Variants in ITGBL1 observed in about 807,000 individuals in gnomAD.
The protein encoded by ITGBL1 is integrin beta-like protein 1.
A neutral mutation model predicts 68.5 loss-of-function variants in ITGBL1; 51 were observed. The observed-to-expected ratio is 0.74, with a 90% CI of 0.59 to 0.94. The LOEUF (loss-of-function observed/expected upper bound fraction) is 0.94. Among genes scored for constraint, ITGBL1 ranks in the 40% least tolerant of loss-of-function variants. ITGBL1 has a pLI of 0.00. For missense variants in ITGBL1, 649 were observed against 647.4 expected (o/e 1.00, Z -0.03); for synonymous variants, 209 against 227.3 (o/e 0.92, Z 0.72).
chr13:101,640,718 C>T (rs1009575017), intron 7 of ITGBL1, among the ~76,000 whole-genome samples: 2 of 152,024 alleles, frequency 1.3e-5, no homozygotes, highest in African/African-American at 4.8e-5. Context: ...GGAATTATCC[C>T]ATCACCCAGG....
At chr13:101,530,155 C>T (rs949694161) in intron 2 of ITGBL1, among the ~76,000 whole-genome samples, 17 of 151,952 alleles carry the variant, frequency 1.1e-4, no homozygotes, top group Non-Finnish European at 7.4e-5. Context: ...CTTTTGTTGA[C>T]AAGTCTTACT....
chr13:101,572,440 G>C lies in ITGBL1; in HGVS notation c.464-2984G>C, dbSNP rs567640617. Among the ~76,000 whole-genome samples, 264 of 152,188 alleles carry C rather than the reference G, an allele frequency of 1.7e-3. 1 individual carries two copies. The highest frequency in any genetic ancestry group is 5.3e-3 in the Admixed American group (81 of 15,266). ...CCCGGCACCACTGTACAGGAGTGTG[G>C]GCTGGTGTACATGTCTGGTCAGTCA... is the stretch of plus-strand genomic sequence containing the variant. On this transcript the variant is annotated intron_variant, in intron 3 of 10. Transcript: ENST00000376180.
At chr13:101,605,043 CATATATGT>C (rs1386524755) in intron 7 of ITGBL1, among the ~76,000 whole-genome samples, 47 of 129,626 alleles carry the variant, frequency 3.6e-4, no homozygotes, top group Admixed American at 3.2e-3. Context: ...TACATATACG[CATATATGT>C]GTATATGTGT....
chr13:101,453,844 CGTCTG>C lies in ITGBL1; in HGVS notation c.99-38_99-34del, dbSNP rs2048197935. 2.5e-5 allele frequency: 30 copies of C among 1,215,668 alleles called. No individual in the cohort carries two copies. The East Asian group carries it at 1.0e-3, about 40-fold the overall frequency. The allele number at this position is 1,215,668 out of a possible 1,614,324, so 75.3% of individuals were successfully genotyped here. A position where few individuals can be genotyped will look rare whatever the true frequency, so the allele number is the denominator to read the frequency against. Reference sequence around the variant, plus strand: ...GGTTCGGAGCAGGGGGCGGCGTCCGCGTCTGACCCGGCCTGCCGGTTGCTTGTCGC... The same window carrying C: ...GGTTCGGAGCAGGGGGCGGCGTCCGCACCCGGCCTGCCGGTTGCTTGTCGC... On this transcript the variant is annotated intron_variant, in intron 1 of 10. Transcript: ENST00000376180.
intron 2 of ITGBL1, among the ~76,000 whole-genome samples, chr13:101,462,941 G>A (rs1295936553): frequency 6.6e-6 from 1 of 152,164 alleles, no homozygotes; most frequent in African/African-American, 2.4e-5. Flanking sequence ...TGAAGAGAGG[G>A]ACTTAAGCCC....
chr13:101,622,977 A>G (rs1032971855), intron 7 of ITGBL1, among the ~76,000 whole-genome samples: 31 of 151,394 alleles, frequency 2.0e-4, no homozygotes, highest in African/African-American at 7.3e-4. Flanking sequence ...ATCAAAGACA[A>G]TTGCAGATAA....
At position 101,589,524 on chromosome 13, in the gene ITGBL1, C is replaced by G. The variant is rs182241386; in HGVS notation, c.868+6168C>G. Among the ~76,000 whole-genome samples the G allele has an allele frequency of 2.0e-5, 3 of 152,252 alleles. No homozygotes were observed. In the East Asian group the frequency reaches 5.8e-4, roughly 29 times the overall value. On this transcript the variant is annotated intron_variant, in intron 6 of 10. Transcript: ENST00000376180. ...GAACTTGTTCAATTAATATCAAATC[C>G]TGGTGGTAAAGCATAGAAGACATAT...
At chr13:101,611,685 A>C (rs1176310345) in intron 7 of ITGBL1, among the ~76,000 whole-genome samples, 1 of 150,426 alleles carries the variant, frequency 6.6e-6, no homozygotes, top group Non-Finnish European at 1.5e-5. Flanking sequence ...CATACACTGA[A>C]CTGGCAGCAG....
At position 101,631,765 on chromosome 13, in the gene ITGBL1, G is replaced by A. The variant is rs970210502; in HGVS notation, c.1015+33466G>A. On this transcript the variant is annotated intron_variant, in intron 7 of 10. Transcript: ENST00000376180. ...AATATGAAAAGATATTTACACAAAA[G>A]TATCTGAAAAATGAAAGTCAAGAGG... is the stretch of plus-strand genomic sequence containing the variant. 3.3e-5 allele frequency among the ~76,000 whole-genome samples: 5 copies of A among 152,118 alleles called. 1 individual carries two copies. The South Asian group carries it at 1.0e-3, about 31-fold the overall frequency.
At chr13:101,518,971 T>TGAAG (rs1323984505) in intron 2 of ITGBL1, among the ~76,000 whole-genome samples, 1 of 152,184 alleles carries the variant, frequency 6.6e-6, no homozygotes, top group African/African-American at 2.4e-5. Flanking sequence ...ACATACAAGT[T>TGAAG]GAAGGCAGTT....
chr13:101,557,747 G>A (rs969669921), intron 2 of ITGBL1, among the ~76,000 whole-genome samples: 2 of 152,028 alleles, frequency 1.3e-5, no homozygotes, highest in Non-Finnish European at 2.9e-5. Flanking sequence ...AGGCTTGAGA[G>A]GCTTCTGTCA....
intron 2 of ITGBL1, among the ~76,000 whole-genome samples, chr13:101,485,779 G>A (rs1369623884): frequency 6.6e-6 from 1 of 152,080 alleles, no homozygotes; most frequent in Non-Finnish European, 1.5e-5. Flanking sequence ...TCAACAGCGC[G>A]AGACTCTGTC....
At chr13:101,598,085 A>T in intron 6 of ITGBL1, 68 bp from the exon 7 acceptor site, 1 of 1,402,232 alleles carries the variant, frequency 7.1e-7, no homozygotes, top group South Asian at 1.4e-5. Context: ...TTGCTGTTAG[A>T]ATGAAAACTA....
chr13:101,605,096 A>T (rs2030677177), intron 7 of ITGBL1, among the ~76,000 whole-genome samples: 1 of 146,926 alleles, frequency 6.8e-6, no homozygotes, highest in South Asian at 2.1e-4. Context: ...ATATGTGTAT[A>T]TGTGTATATA....
chr13:101,525,125 G>T (rs2139143753), intron 2 of ITGBL1, among the ~76,000 whole-genome samples: 1 of 152,056 alleles, frequency 6.6e-6, no homozygotes, highest in East Asian at 1.9e-4. Context: ...AGAAGTTTTG[G>T]ATATTACAAA....
At chr13:101,605,398 G>T (rs1301967528) in intron 7 of ITGBL1, among the ~76,000 whole-genome samples, 1 of 68,842 alleles carries the variant, frequency 1.5e-5, no homozygotes, top group Non-Finnish European at 2.6e-5. Flanking sequence ...GGGCATGTAT[G>T]TGTGTATATG....
At chr13:101,476,572 C>G (rs2048539890) in intron 2 of ITGBL1, among the ~76,000 whole-genome samples, 1 of 151,976 alleles carries the variant, frequency 6.6e-6, no homozygotes, top group East Asian at 1.9e-4. Context: ...CTAAACAAAA[C>G]AAATGAGACC....
intron 2 of ITGBL1, among the ~76,000 whole-genome samples, chr13:101,465,755 T>C (rs189299443): frequency 6.6e-6 from 1 of 152,304 alleles, no homozygotes; most frequent in Admixed American, 6.5e-5. Flanking sequence ...GAAGAGAAGG[T>C]ATGAGGTTGA....
chr13:101,488,837 C>CA (rs908081372), intron 2 of ITGBL1, among the ~76,000 whole-genome samples: 3 of 151,348 alleles, frequency 2.0e-5, no homozygotes, highest in South Asian at 4.2e-4. Flanking sequence ...TCCCAGTTCT[C>CA]AAAAAAAAGG....
Sources: allele counts gnomAD v4.1 joint callset (sites outside exome capture counted in the v4.1 genomes callset), GRCh38; gene constraint gnomAD v4.1.1; transcripts MANE v1.5; gene names NCBI Gene and HGNC (gene_info 2026-07-23, HGNC 2026-07-21).